The following LRP2 variants were observed in gnomAD, a reference collection of about 807,000 sequenced individuals.
The protein encoded by LRP2 is low-density lipoprotein receptor-related protein 2.
In LRP2, 172 loss-of-function variants were observed where a neutral mutation model predicts 531.0. The observed-to-expected ratio is 0.32, with a 90% CI of 0.29 to 0.37. The LOEUF is 0.37. Ranked by LOEUF, LRP2 falls within the 10% of genes least tolerant of loss-of-function variation. The pLI is 1.00. For missense variants in LRP2, 5,167 were observed against 5,868.3 expected (o/e 0.88, Z 3.90); for synonymous variants, 1,992 against 2,027.6 (o/e 0.98, Z 0.47).
At chr2:169,175,019 T>TAAA (rs201393942) in intron 55 of LRP2, among the ~76,000 whole-genome samples, 174 bp downstream of exon 55, 2 of 108,730 alleles carry the variant, frequency 1.8e-5, no homozygotes, top group Non-Finnish European at 4.0e-5. Flanking sequence ...TTAAGATTTC[T>TAAA]AAAAAAAAAA....
At chr2:169,132,518 A>G in intron 77 of LRP2, 56 bp downstream of exon 77, 1 of 976,674 alleles carries the variant, frequency 1.0e-6, no homozygotes, top group Non-Finnish European at 1.7e-6. Context: ...ATAAAAACCC[A>G]GTCATCCCAA....
At chr2:169,192,898 C>T (rs1385328965) in intron 47 of LRP2, among the ~76,000 whole-genome samples, 1 of 152,088 alleles carries the variant, frequency 6.6e-6, no homozygotes, top group Non-Finnish European at 1.5e-5. Flanking sequence ...CAGGAGGGTG[C>T]CATCAGATGC....
chr2:169,262,474 A>C (rs1418136149), intron 16 of LRP2, among the ~76,000 whole-genome samples: 4 of 139,040 alleles, frequency 2.9e-5, no homozygotes, highest in Non-Finnish European at 6.3e-5. Context: ...GAGCCAAATC[A>C]TGAGTGAACT....
At chr2:169,177,471 A>T (rs1166404821) in intron 53 of LRP2, among the ~76,000 whole-genome samples, 1 of 152,232 alleles carries the variant, frequency 6.6e-6, no homozygotes, top group Non-Finnish European at 1.5e-5. Flanking sequence ...TAATTCCTTT[A>T]AAATACTTCA....
chr2:169,206,042 C>T lies in LRP2; in HGVS notation c.7537G>A (p.Val2513Met), dbSNP rs768422128. ...IARVPKPRAI[V>M]LDPCQGYLYW... ...GCATACCCTTGGCAGGGATCTAACA[C>T]AATTGCTCTTGGTTTTGGAACGCGG... The change falls in exon 40 of 79, where the codon GTG (valine) becomes ATG (methionine). Residue 2513 changes from valine (V) to methionine (M), a missense_variant. Transcript: ENST00000649046. The T allele has an allele frequency of 1.2e-6, 2 of 1,614,206 alleles. No homozygotes were observed. The highest frequency in any genetic ancestry group is 1.1e-5 in the South Asian group (1 of 91,078).
intron 17 of LRP2, among the ~76,000 whole-genome samples, chr2:169,258,690 G>T (rs566546367): frequency 6.6e-6 from 1 of 152,088 alleles, no homozygotes; most frequent in South Asian, 2.1e-4. Flanking sequence ...GAAAGAATTT[G>T]GGTCTTTCCT....
chr2:169,280,270 C>T (rs541107530), intron 11 of LRP2, 80 bp downstream of exon 11: 1 of 1,506,814 alleles, frequency 6.6e-7, no homozygotes, highest in East Asian at 2.3e-5. Context: ...AGGAACTTTC[C>T]CCTCTACTCC....
At chr2:169,327,970 C>T (rs1405820251) in intron 1 of LRP2, among the ~76,000 whole-genome samples, 4 of 90,888 alleles carry the variant, frequency 4.4e-5, no homozygotes, top group Non-Finnish European at 7.0e-5. Context: ...CCGCCCCGTC[C>T]GGGAGGGAGG....
intron 70 of LRP2, among the ~76,000 whole-genome samples, chr2:169,145,427 A>T (rs1219738121): frequency 6.6e-6 from 1 of 152,238 alleles, no homozygotes. Flanking sequence ...CCCAACTCAC[A>T]TTTAGCAGGG....
At chr2:169,178,509 G>C (rs1411661069) in intron 52 of LRP2, among the ~76,000 whole-genome samples, 1 of 152,154 alleles carries the variant, frequency 6.6e-6, no homozygotes, top group Non-Finnish European at 1.5e-5. Flanking sequence ...GGAGATAGTT[G>C]CATTCTCAGT....
chr2:169,127,483 G>T lies in LRP2; in HGVS notation c.*1180C>A, dbSNP rs1685137030. On this transcript the variant is annotated 3_prime_UTR_variant, in exon 79 of 79. Transcript: ENST00000649046. ...GGAGGCTGAGGTGGGAGGATCACTT[G>T]AGCCCAGGACTTCAAGATCAGCCTT... 1 of 139,712 alleles carries T rather than the reference G, an allele frequency of 7.2e-6. No homozygotes were observed. The highest frequency in any genetic ancestry group is 2.8e-5 in the African/African-American group (1 of 35,812). The allele number at this position is 139,712 out of a possible 1,614,324, so 8.7% of individuals were successfully genotyped here. A position where few individuals can be genotyped will look rare whatever the true frequency, so the allele number is the denominator to read the frequency against.
chr2:169,203,477 T>A (rs1005593921), intron 42 of LRP2, among the ~76,000 whole-genome samples: 7 of 152,214 alleles, frequency 4.6e-5, no homozygotes, highest in African/African-American at 1.4e-4. Context: ...AATGCCTTCA[T>A]AGGCTGAGTG....
chr2:169,327,681 C>A, intron 1 of LRP2, among the ~76,000 whole-genome samples: 1 of 108,678 alleles, frequency 9.2e-6, no homozygotes, highest in Non-Finnish European at 1.9e-5. Flanking sequence ...CCCCTCCCGG[C>A]CAGCCGACCC....
rs112842952 is a variant in LRP2, at chr2:169,128,824, T to C, written c.13807A>G (p.Asn4603Asp). Residue 4603 changes from asparagine to aspartate, a missense_variant, in exon 79 of 79, where the codon AAC becomes GAC. Physicochemically the swap from Asn to Asp is conservative, Grantham distance 23. This residue lies in a region of LRP2 where 348 missense variants were observed against 369.3 expected (regional missense o/e 0.94). Transcript: ENST00000649046. The part of the protein sequence containing the change: ...FENPIYAQME[N>D]EQKESVAATP... ...GCAGCAACACTTTCCTTTTGCTCGTTCTCCATCTAAGAATACAATGTAACA... is the reference window on the plus strand; with the variant it reads ...GCAGCAACACTTTCCTTTTGCTCGTCCTCCATCTAAGAATACAATGTAACA... 1.8e-5 allele frequency: 29 copies of C among 1,614,052 alleles called. No homozygotes were observed. In the African/African-American group the frequency reaches 1.9e-4, roughly 10 times the overall value.
intron 1 of LRP2, among the ~76,000 whole-genome samples, chr2:169,347,599 A>C (rs546788780): frequency 6.6e-6 from 1 of 152,244 alleles, no homozygotes; most frequent in African/African-American, 2.4e-5. Flanking sequence ...AAAAAAAAAA[A>C]AGGTGTTCCC....
At position 169,127,543 on chromosome 2, in the gene LRP2, A is replaced by AAG. The variant is rs1178240833; in HGVS notation, c.*1119_*1120insCT. ...GCAAGACTCCATCTCTAAAAAAAAA[A>AAG]AAAAAAAAAAAACCAATAAGAATTA... is the stretch of plus-strand genomic sequence containing the variant. On this transcript the variant is annotated 3_prime_UTR_variant, in exon 79 of 79. Coordinates refer to ENST00000649046, the MANE Select transcript of LRP2 (RefSeq NM_004525.3). 2 of 151,692 alleles carry AAG rather than the reference A, an allele frequency of 1.3e-5. No individual in the cohort carries two copies. The highest frequency in any genetic ancestry group is 6.6e-5 in the Admixed American group (1 of 15,192). The allele number at this position is 151,692 out of a possible 1,614,324, so 9.4% of individuals were successfully genotyped here.
rs1464837601 is a variant in LRP2, at chr2:169,362,451, G to C, written c.-52C>G. ...TTCCTTCCCCGGGAGGTGGGCGCGCGTAGCACACCGCACCGGCAGCGCCTC... is the reference window on the plus strand; with the variant it reads ...TTCCTTCCCCGGGAGGTGGGCGCGCCTAGCACACCGCACCGGCAGCGCCTC... On this transcript the variant is annotated 5_prime_UTR_variant, in exon 1 of 79. Coordinates refer to ENST00000649046, the MANE Select transcript of LRP2 (RefSeq NM_004525.3). 16 of 1,436,002 alleles carry C rather than the reference G, an allele frequency of 1.1e-5. No homozygotes were observed. The highest frequency in any genetic ancestry group is 1.5e-5 in the Non-Finnish European group (16 of 1,051,536). 89.0% of individuals were successfully genotyped at this position (1,436,002 alleles called of 1,614,324 possible). A position where few individuals can be genotyped will look rare whatever the true frequency, so the allele number is the denominator to read the frequency against.
chr2:169,278,741 G>A (rs1190344933), intron 12 of LRP2, among the ~76,000 whole-genome samples: 1 of 152,056 alleles, frequency 6.6e-6, no homozygotes, highest in African/African-American at 2.4e-5. Context: ...CTTATCCAAG[G>A]GTCCTAAGAC....
Position 169,259,178 on chromosome 2 carries a change from T to G in LRP2, c.2360A>C (p.Glu787Ala), listed in dbSNP as rs1231441695. The G allele has an allele frequency of 6.2e-7, 1 of 1,613,234 alleles. No homozygotes were observed. Among genetic ancestry groups the G allele is most frequent in the Non-Finnish European group, 8.5e-7 (1 of 1,179,580 alleles). The change falls in exon 17 of 79, where the codon GAA (glutamate) becomes GCA (alanine). Residue 787 changes from glutamate to alanine, a missense_variant. Physicochemically the swap from Glu to Ala is moderately radical, Grantham distance 107. Transcript: ENST00000649046. ...ILAANRVENVESLAFDWISKN... is the reference protein window; with the variant it reads ...ILAANRVENVASLAFDWISKN... ...TGAAATCCAATCAAAAGCCAAACTTTCAACATTTTCCACCCTGTTAGCTGC... is the reference window on the plus strand; with the variant it reads ...TGAAATCCAATCAAAAGCCAAACTTGCAACATTTTCCACCCTGTTAGCTGC...
Sources: gnomAD v4.1 joint callset for allele counts (sites outside exome capture counted in the v4.1 genomes callset) on GRCh38, gnomAD v4.1.1 for gene constraint, gnomAD v4.1.1 regional missense constraint, MANE v1.5 for transcripts, NCBI Gene and HGNC (gene_info 2026-07-23, HGNC 2026-07-21) for gene names.